OPN5: variants seen among roughly 807,000 people sequenced by gnomAD.
OPN5 encodes the protein opsin-5.
Under a neutral mutation model 41.7 loss-of-function variants are expected in OPN5, and 18 were observed. That is an observed-to-expected ratio of 0.43 (90% CI 0.30 to 0.64). The LOEUF (loss-of-function observed/expected upper bound fraction) is 0.64, where lower values mean the gene tolerates loss of function less well. OPN5 is among the 30% of genes least tolerant of loss of function. OPN5 has a pLI of 0.13. For missense variants in OPN5, 318 were observed against 434.5 expected, an observed-to-expected ratio of 0.73 and a Z score of 2.38; for synonymous variants, 178 against 164.3, an observed-to-expected ratio of 1.08 and a Z score of -0.64.
intron 2 of OPN5, among the ~76,000 whole-genome samples, chr6:47,789,342 C>T (rs996572121): frequency 1.3e-5 from 2 of 151,974 alleles, no homozygotes; most frequent in African/African-American, 4.8e-5. Flanking sequence ...GCTTTATTTT[C>T]CTTCATTGTA....
At chr6:47,808,303 T>C (rs759196110) in exon 5 of OPN5, 19 of 1,613,944 alleles carry the variant, frequency 1.2e-5, no homozygotes, top group Non-Finnish European at 1.6e-5. Flanking sequence ...CGATGTACAA[T>C]CCCATCATTT....
chr6:47,814,246 A>C (rs1034353117), intron 6 of OPN5, among the ~76,000 whole-genome samples: 11 of 151,898 alleles, frequency 7.2e-5, no homozygotes, highest in Non-Finnish European at 1.3e-4. Context: ...AGAAAAGGAG[A>C]AAAGAACACT....
chr6:47,813,963 T>TGCAACATAG (rs1762348488), intron 6 of OPN5, among the ~76,000 whole-genome samples: 1 of 152,004 alleles, frequency 6.6e-6, no homozygotes, highest in African/African-American at 2.4e-5. Context: ...GCGGAGCATT[T>TGCAACATAG]GCAACATAGG....
At chr6:47,814,673 T>C (rs1762376355) in intron 6 of OPN5, among the ~76,000 whole-genome samples, 1 of 152,096 alleles carries the variant, frequency 6.6e-6, no homozygotes, top group South Asian at 2.1e-4. Context: ...GTGGATAACT[T>C]CCTGAGTGGG....
At chr6:47,814,259 G>A (rs1248574687) in intron 6 of OPN5, among the ~76,000 whole-genome samples, 1 of 151,828 alleles carries the variant, frequency 6.6e-6, no homozygotes, top group Non-Finnish European at 1.5e-5. Context: ...AGAACACTCA[G>A]GTTGGTGTAG....
chr6:47,793,006 TACATCTC>T (rs1773433284), intron 3 of OPN5, among the ~76,000 whole-genome samples: 1 of 151,590 alleles, frequency 6.6e-6, no homozygotes. Flanking sequence ...TTTTAAAGTT[TACATCTC>T]CTTTTTTAAA....
intron 6 of OPN5, among the ~76,000 whole-genome samples, chr6:47,818,769 G>C (rs1166367861): frequency 6.6e-6 from 1 of 152,188 alleles, no homozygotes; most frequent in African/African-American, 2.4e-5. Flanking sequence ...AGTCAGGTCA[G>C]CTGGGAGCTG....
At chr6:47,784,600 G>T (rs1773155300) in intron 1 of OPN5, among the ~76,000 whole-genome samples, 1 of 152,040 alleles carries the variant, frequency 6.6e-6, no homozygotes. Flanking sequence ...GCCTGGCCAA[G>T]ATGTGTGTGT....
chr6:47,786,557 C>G (rs1300961024), exon 2 of OPN5: 1 of 1,609,300 alleles, frequency 6.2e-7, no homozygotes, highest in Non-Finnish European at 8.5e-7. Context: ...CTTTACATGT[C>G]TTCTAGACGA....
exon 7 of OPN5, chr6:47,824,319 G>T: frequency 2.8e-6 from 1 of 361,842 alleles, no homozygotes; most frequent in African/African-American, 2.0e-5. Context: ...GTGAAAGCTG[G>T]CCTGAAAAGC....
chr6:47,811,742 G>T lies in OPN5; in HGVS notation c.1056+11G>T. The T allele has an allele frequency of 6.3e-7, 1 of 1,593,010 alleles. No individual in the cohort carries two copies. On this transcript the variant is annotated intron_variant, in intron 6 of 6. Coordinates refer to ENST00000371211, the Ensembl canonical transcript of OPN5. ...GAAATTCATGAAGAGGTATGAAGATGGATACAGCATCACTATGGACACTCG... is the reference window on the plus strand; with the variant it reads ...GAAATTCATGAAGAGGTATGAAGATTGATACAGCATCACTATGGACACTCG...
intron 4 of OPN5, among the ~76,000 whole-genome samples, chr6:47,798,547 TTTTAA>T (rs1477036806): frequency 6.6e-6 from 1 of 151,064 alleles, no homozygotes; most frequent in Non-Finnish European, 1.5e-5. Context: ...ATGTATATTC[TTTTAA>T]TTTATATACT....
rs1773299484 is a variant in OPN5 at position 47,789,459 on chromosome 6, T to A, written c.251-2343T>A. Among the ~76,000 whole-genome samples, 4 of 152,034 alleles carry A rather than the reference T, an allele frequency of 2.6e-5. No individual in the cohort carries two copies. The South Asian group carries it at 8.3e-4, about 32-fold the overall frequency. On this transcript the variant is annotated intron_variant, in intron 2 of 6. Transcript: ENST00000371211. ...TAGAAAATAAACTTGTCAGTCTTGA[T>A]CTCCACTTTGTCCTCTAGCACCTTG...
intron 4 of OPN5, among the ~76,000 whole-genome samples, chr6:47,802,340 C>T (rs1476418426): frequency 3.9e-5 from 6 of 152,062 alleles, no homozygotes; most frequent in South Asian, 2.1e-4. Context: ...ACTGCAGCTT[C>T]CCAGTGTTAC....
At chr6:47,816,754 T>C (rs950988817) in intron 6 of OPN5, among the ~76,000 whole-genome samples, 1 of 152,248 alleles carries the variant, frequency 6.6e-6, no homozygotes. Context: ...CATTGTGGAA[T>C]AGGGACAGTC....
chr6:47,788,426 G>A (rs1773261056), intron 2 of OPN5, among the ~76,000 whole-genome samples: 1 of 152,172 alleles, frequency 6.6e-6, no homozygotes, highest in African/African-American at 2.4e-5. Context: ...GGCCTGGTGC[G>A]TTGAAATATG....
At position 47,786,654 on chromosome 6, in the gene OPN5, T is replaced by A. The variant is rs755301063; in HGVS notation, c.250+20T>A. Reference sequence around the variant, plus strand: ...TTTCAGGTAACACAACCATGCTGTGTTTTCTTTGTGGGTTTAAACTACTCC... The same window carrying A: ...TTTCAGGTAACACAACCATGCTGTGATTTCTTTGTGGGTTTAAACTACTCC... On this transcript the variant is annotated intron_variant, in intron 2 of 6. Coordinates refer to ENST00000371211, the Ensembl canonical transcript of OPN5. The A allele has an allele frequency of 1.3e-5, 21 of 1,611,242 alleles. No homozygotes were observed. Among genetic ancestry groups the A allele is most frequent in the Non-Finnish European group, 1.8e-5 (21 of 1,178,104 alleles).
intron 6 of OPN5, among the ~76,000 whole-genome samples, chr6:47,815,536 C>T (rs1258324591): frequency 1.3e-5 from 2 of 152,034 alleles, no homozygotes; most frequent in Non-Finnish European, 2.9e-5. Context: ...AGATATATGT[C>T]ATTAAAGTAA....
chr6:47,809,554 A>G (rs534275230), intron 5 of OPN5, among the ~76,000 whole-genome samples: 4 of 152,358 alleles, frequency 2.6e-5, no homozygotes, highest in Non-Finnish European at 5.9e-5. Context: ...GTTGTTTACA[A>G]TACGTTTACA....
Sources: gnomAD v4.1 joint callset for allele counts (sites outside exome capture counted in the v4.1 genomes callset) on GRCh38, gnomAD v4.1.1 for gene constraint, MANE v1.5 for transcripts, NCBI Gene and HGNC (gene_info 2026-07-23, HGNC 2026-07-21) for gene names.